RELL1: variants seen among roughly 807,000 people sequenced by gnomAD.
RELL1 encodes the protein RELT like 1.
A neutral mutation model predicts 23.0 loss-of-function variants in RELL1; 10 were observed. The ratio of observed to expected loss-of-function variants is 0.43; its 90% CI spans 0.27 to 0.74. The LOEUF (loss-of-function observed/expected upper bound fraction) is 0.74. Among genes scored for constraint, RELL1 ranks in the 30% least tolerant of loss-of-function variants. The pLI is 0.19. For missense variants in RELL1, 315 were observed against 364.4 expected (o/e 0.86, Z 1.10); for synonymous variants, 146 against 146.8 (o/e 0.99, Z 0.04).
At chr4:37,635,198 T>C in intron 4 of RELL1, 75 bp from the exon 5 acceptor site, 1 of 1,186,048 alleles carries the variant, frequency 8.4e-7, no homozygotes. Context: ...CTCCCTGTGA[T>C]GACAGAAGCA....
In RELL1 at chr4:37,634,900, G is replaced by A. The variant is rs777936766; in HGVS notation, c.667C>T (p.Leu223Phe). 6.2e-7 allele frequency: 1 copy of A among 1,614,246 alleles called. No homozygotes were observed. The highest frequency in any genetic ancestry group is 8.5e-7 in the Non-Finnish European group (1 of 1,180,028). The stretch of plus-strand genomic sequence containing the variant: ...AAGGGATCTTACCTGCCAACAGAAA[G>A]GACCGTGACCTCGCCTTGGCGCCGT... ...RPRRQGEVTV[L>F]SVGRFRVTKV... The change falls in exon 5 of 7, where the codon CTT (leucine) becomes TTT (phenylalanine). Residue 223 changes from leucine (L) to phenylalanine (F), a missense_variant. Coordinates refer to ENST00000454158, the MANE Select transcript of RELL1 (RefSeq NM_001085400.2).
intron 1 of RELL1, among the ~76,000 whole-genome samples, chr4:37,677,989 A>G (rs1722073767): frequency 6.6e-6 from 1 of 152,060 alleles, no homozygotes. Context: ...AAAAAGAAAT[A>G]CCTGAGACTG....
chr4:37,625,009 T>A (rs1004985845), intron 6 of RELL1, among the ~76,000 whole-genome samples: 1 of 152,228 alleles, frequency 6.6e-6, no homozygotes, highest in Non-Finnish European at 1.5e-5. Flanking sequence ...TATCGTATCA[T>A]GTATGTCCAG....
chr4:37,663,232 G>A (rs968899772), intron 1 of RELL1, among the ~76,000 whole-genome samples: 1 of 152,064 alleles, frequency 6.6e-6, no homozygotes, highest in Non-Finnish European at 1.5e-5. Context: ...TTTTGGTGCT[G>A]TCCATTTGGG....
intron 6 of RELL1, among the ~76,000 whole-genome samples, chr4:37,603,740 T>A (rs1719077130): frequency 6.6e-6 from 1 of 152,160 alleles, no homozygotes; most frequent in Non-Finnish European, 1.5e-5. Context: ...TGCTGTGTAG[T>A]CTTCTTTCCT....
At chr4:37,604,844 C>CACACACACACAT (rs1719128268) in intron 6 of RELL1, among the ~76,000 whole-genome samples, 1 of 124,536 alleles carries the variant, frequency 8.0e-6, no homozygotes, top group Non-Finnish European at 1.6e-5. Flanking sequence ...CACACAGACA[C>CACACACACACAT]ACACACAGAC....
At chr4:37,677,196 G>A (rs1410804573) in intron 1 of RELL1, among the ~76,000 whole-genome samples, 1 of 152,244 alleles carries the variant, frequency 6.6e-6, no homozygotes, top group Non-Finnish European at 1.5e-5. Flanking sequence ...CCTTGAGCAT[G>A]AGGATCAAGG....
intron 6 of RELL1, among the ~76,000 whole-genome samples, chr4:37,619,590 CAG>C (rs1260779254): frequency 1.5e-4 from 23 of 151,472 alleles, no homozygotes; most frequent in African/African-American, 4.4e-4. Flanking sequence ...TTATTCTCTG[CAG>C]AGTCTCTCTC....
chr4:37,600,467 C>T (rs144226558), intron 6 of RELL1, among the ~76,000 whole-genome samples: 17 of 152,130 alleles, frequency 1.1e-4, no homozygotes, highest in East Asian at 3.9e-4. Flanking sequence ...CATTAATAAT[C>T]GTCTAAAGGC....
intron 5 of RELL1, among the ~76,000 whole-genome samples, chr4:37,632,098 A>C (rs1475731594): frequency 2.0e-5 from 3 of 149,860 alleles, no homozygotes; most frequent in African/African-American, 7.5e-5. Flanking sequence ...AAAAAAAAAA[A>C]AAAAAAAAAA....
Position 37,638,485 on chromosome 4 carries a change from CT to C in RELL1, c.404del (p.Lys135ArgfsTer4). The stretch of plus-strand genomic sequence containing the variant: ...ACAGGCTGTTATCTGCTACCATCGC[CT>C]TTAAGACATCAGCATTCGCTAAGGA... ...MKNEANADVL[K>X]AMVADNSLYD... On this transcript the variant is annotated frameshift_variant, in exon 4 of 7. Transcript: ENST00000454158. LOFTEE classifies it high-confidence loss of function. 1.9e-6 allele frequency: 3 copies of C among 1,612,706 alleles called. No homozygotes were observed.
intron 1 of RELL1, among the ~76,000 whole-genome samples, chr4:37,673,955 C>T (rs993486699): frequency 1.3e-5 from 2 of 152,238 alleles, no homozygotes; most frequent in African/African-American, 4.8e-5. Context: ...TCTATTCCCA[C>T]CTCCATGCCT....
rs11403816 is a variant in RELL1, at chr4:37,592,353, G to GAA, written c.*4-1138_*4-1137dup. On this transcript the variant is annotated intron_variant, in intron 6 of 6. Transcript: ENST00000314117. The stretch of plus-strand genomic sequence containing the variant: ...CAATTTAGCGAGACCCCATCTCTAT[G>GAA]AAAAAAAAAAAAAAAAAAAGAGCTA... Among the ~76,000 whole-genome samples the GAA allele has an allele frequency of 5.2e-3, 558 of 108,094 alleles. 8 individuals are homozygous for GAA. Among genetic ancestry groups the GAA allele is most frequent in the East Asian group, 0.023 (88 of 3,888 alleles). The allele number at this position is 108,094 out of a possible 152,430, so 70.9% of individuals were successfully genotyped here. A position where few individuals can be genotyped will look rare whatever the true frequency, so the allele number is the denominator to read the frequency against.
chr4:37,588,742 C>T, downstream of RELL1: 1 of 785,406 alleles, frequency 1.3e-6, no homozygotes, highest in Non-Finnish European at 2.1e-6. Context: ...AAATGTGTGA[C>T]TCTCTTAATA....
At chr4:37,635,897 T>C (rs1720310435) in intron 4 of RELL1, among the ~76,000 whole-genome samples, 1 of 152,304 alleles carries the variant, frequency 6.6e-6, no homozygotes, top group South Asian at 2.1e-4. Flanking sequence ...AAACATTTGA[T>C]CAAATCTCCA....
chr4:37,645,077 AC>A (rs529794882), intron 3 of RELL1, among the ~76,000 whole-genome samples: 85 of 152,268 alleles, frequency 5.6e-4, no homozygotes, highest in African/African-American at 1.9e-3. Flanking sequence ...CACATAGCAA[AC>A]CCTCATGAGT....
At chr4:37,606,044 AAAAG>A (rs1333348938), downstream of RELL1, among the ~76,000 whole-genome samples, 5 of 139,262 alleles carry the variant, frequency 3.6e-5, no homozygotes, top group African/African-American at 1.0e-4. The surrounding 1 kb of genome is among the most constrained non-coding windows in gnomAD (Gnocchi z 4.1). Flanking sequence ...GAAAGAAAGA[AAAAG>A]AAGAAAGGGA....
At chr4:37,610,074 G>A (rs1186912206), downstream of RELL1, among the ~76,000 whole-genome samples, 1 of 152,116 alleles carries the variant, frequency 6.6e-6, no homozygotes. This position sits in a 1 kb window ranked among gnomAD's most constrained non-coding sequence, Gnocchi z 4.1. Context: ...TGAAAGGTGA[G>A]GTCAATCAGT....
chr4:37,657,700 G>A (rs1329186008), intron 1 of RELL1, among the ~76,000 whole-genome samples: 1 of 152,078 alleles, frequency 6.6e-6, no homozygotes, highest in African/African-American at 2.4e-5. Flanking sequence ...ATTTTGGGAG[G>A]GCAAGGTGAG....
Sources: allele counts gnomAD v4.1 joint callset (sites outside exome capture counted in the v4.1 genomes callset), GRCh38; gene constraint gnomAD v4.1.1; non-coding constraint Gnocchi (gnomAD v3.1); transcripts MANE v1.5; gene names NCBI Gene and HGNC (gene_info 2026-07-23, HGNC 2026-07-21).